DDX46: variants seen among roughly 807,000 people sequenced by gnomAD.
DDX46 encodes probable ATP-dependent RNA helicase DDX46.
In DDX46, 30 loss-of-function variants were observed where a neutral mutation model predicts 134.9. The observed-to-expected ratio is 0.22, with a 90% confidence interval of 0.17 to 0.30. The LOEUF (loss-of-function observed/expected upper bound fraction) is 0.30. Ranked by LOEUF, DDX46 falls within the 10% of genes least tolerant of loss-of-function variation. The pLI is 1.00. For missense variants in DDX46, 622 were observed against 1,248.7 expected, an observed-to-expected ratio of 0.50 and a Z score of 7.56; for synonymous variants, 415 against 404.1, an observed-to-expected ratio of 1.03 and a Z score of -0.32.
chr5:134,815,853 G>A (rs995061864), intron 18 of DDX46, among the ~76,000 whole-genome samples: 1 of 152,024 alleles, frequency 6.6e-6, no homozygotes, highest in Non-Finnish European at 1.5e-5. Context: ...AGGAATAAGG[G>A]AATAAGCCTT....
At chr5:134,770,765 TCGCAC>T in intron 3 of DDX46, 133 bp from the exon 4 acceptor site, 1 of 613,456 alleles carries the variant, frequency 1.6e-6, no homozygotes, top group Non-Finnish European at 2.6e-6. Flanking sequence ...TGAGCTGAGA[TCGCAC>T]CATTTCACTC....
intron 2 of DDX46, among the ~76,000 whole-genome samples, chr5:134,765,910 G>A (rs1753553714): frequency 6.6e-6 from 1 of 152,196 alleles, no homozygotes; most frequent in Non-Finnish European, 1.5e-5. Flanking sequence ...AAGTGAAAAT[G>A]GTTATTTAAC....
chr5:134,768,129 A>T (rs1488126876), intron 3 of DDX46, among the ~76,000 whole-genome samples: 2 of 150,376 alleles, frequency 1.3e-5, no homozygotes, highest in Non-Finnish European at 3.0e-5. Flanking sequence ...TTTTTTTAAC[A>T]GCCAAAGTCT....
intron 22 of DDX46, among the ~76,000 whole-genome samples, chr5:134,827,300 A>G (rs1468295420): frequency 6.7e-6 from 1 of 148,280 alleles, no homozygotes; most frequent in Non-Finnish European, 1.5e-5. Context: ...TTGGAGACTG[A>G]GTCTTGCATT....
chr5:134,772,949 G>C (rs1193887411), intron 4 of DDX46, among the ~76,000 whole-genome samples: 1 of 152,076 alleles, frequency 6.6e-6, no homozygotes, highest in African/African-American at 2.4e-5. Flanking sequence ...ACAGGAATGG[G>C]GAACCATGCC....
At chr5:134,768,842 C>G (rs762470247) in intron 3 of DDX46, among the ~76,000 whole-genome samples, 1 of 151,992 alleles carries the variant, frequency 6.6e-6, no homozygotes, top group African/African-American at 2.4e-5. Flanking sequence ...GGATGGATCA[C>G]GAGGTCAGGA....
At position 134,794,946 on chromosome 5, in the gene DDX46, C is replaced by G. The variant is rs1754605725; in HGVS notation, c.1723C>G (p.Leu575Val). The G allele has an allele frequency of 6.2e-7, 1 of 1,614,174 alleles. No individual in the cohort carries two copies. ...TATGGAGGCTTTGGCTCGCAGGATC[C>G]TCAGTAAACCTATTGAAGTACAAGT... ...RAMEALARRI[L>V]SKPIEVQVGG... Residue 575 changes from leucine (L) to valine (V), a missense_variant, in exon 14 of 23, where the codon CTC (leucine) becomes GTC (valine). Physicochemically the swap from Leu to Val is conservative, Grantham distance 32. This residue lies in a region of DDX46 where 209 missense variants were observed against 508.4 expected (regional missense o/e 0.41). Coordinates refer to ENST00000452510, the MANE Select transcript of DDX46 (RefSeq NM_001300860.2).
chr5:134,790,508 T>A lies in DDX46; in HGVS notation c.1582T>A (p.Leu528Ile). Residue 528 changes from leucine (L) to isoleucine (I), a missense_variant, in exon 13 of 23, where the codon TTA becomes ATA. By Grantham distance (5) the Leu-to-Ile change is conservative. Around this residue, in one of 8 missense-constraint regions of DDX46, gnomAD observed 209 missense variants for 508.4 expected, o/e 0.41. Transcript: ENST00000452510. ...TNLRRVTYVV[L>I]DEADRMFDMG... Reference sequence around the variant, plus strand: ...TCTTCGAAGAGTGACATATGTTGTTTTAGATGAAGCAGACAGAATGTTTGA... The same window carrying A: ...TCTTCGAAGAGTGACATATGTTGTTATAGATGAAGCAGACAGAATGTTTGA... 1 of 1,613,370 alleles carries A rather than the reference T, an allele frequency of 6.2e-7. No individual in the cohort carries two copies. Among genetic ancestry groups the A allele is most frequent in the Non-Finnish European group, 8.5e-7 (1 of 1,179,840 alleles).
chr5:134,776,032 T>G (rs1406900304), intron 5 of DDX46, among the ~76,000 whole-genome samples: 1 of 152,120 alleles, frequency 6.6e-6, no homozygotes, highest in African/African-American at 2.4e-5. Context: ...AACACATACT[T>G]TGTATGCTTT....
chr5:134,801,623 A>G (rs1223368708), intron 15 of DDX46, among the ~76,000 whole-genome samples: 2 of 151,710 alleles, frequency 1.3e-5, no homozygotes, highest in Non-Finnish European at 2.9e-5. Context: ...CTGATCTCAA[A>G]CTCTTGGGTT....
In DDX46 at chr5:134,818,525, A is replaced by G. The variant is rs1755347657; in HGVS notation, c.2833-335A>G. Among the ~76,000 whole-genome samples the G allele has an allele frequency of 2.0e-5, 3 of 148,436 alleles. No homozygotes were observed. In the South Asian group the frequency reaches 6.5e-4, roughly 32 times the overall value. On this transcript the variant is annotated intron_variant, in intron 20 of 22. Coordinates refer to ENST00000452510, the MANE Select transcript of DDX46 (RefSeq NM_001300860.2). ...GAGACCAGCCTGACCAACATGGTGAAACCCCGTCTCTACTAAAAATACAAA... is the reference window on the plus strand; with the variant it reads ...GAGACCAGCCTGACCAACATGGTGAGACCCCGTCTCTACTAAAAATACAAA...
intron 13 of DDX46, among the ~76,000 whole-genome samples, chr5:134,792,202 ATAG>A (rs1309690407): frequency 1.3e-5 from 2 of 151,920 alleles, no homozygotes; most frequent in Non-Finnish European, 2.9e-5. Flanking sequence ...AATAATAATA[ATAG>A]TAATAATAAT....
chr5:134,778,228 C>T (rs528358075), intron 6 of DDX46, among the ~76,000 whole-genome samples: 102 of 151,966 alleles, frequency 6.7e-4, no homozygotes, highest in African/African-American at 2.2e-3. Flanking sequence ...ATGTTGCTCA[C>T]GCTGGTCTCG....
At position 134,825,322 on chromosome 5, in the gene DDX46, C is replaced by T. The variant is rs979250679; in HGVS notation, c.2978-1625C>T. ...TCCCTTCCAGCACTCACCTTCCCCA[C>T]GTAGTTTTATAGTGTTGTGATTGGT... is the stretch of plus-strand genomic sequence containing the variant. On this transcript the variant is annotated intron_variant, in intron 21 of 22. Transcript: ENST00000452510. 7.2e-5 allele frequency among the ~76,000 whole-genome samples: 11 copies of T among 152,244 alleles called. No individual in the cohort carries two copies. The East Asian group carries it at 1.5e-3, about 21-fold the overall frequency.
intron 1 of DDX46, among the ~76,000 whole-genome samples, chr5:134,763,581 A>G (rs2150128174): frequency 6.6e-6 from 1 of 152,282 alleles, no homozygotes; most frequent in South Asian, 2.1e-4. Context: ...TTGTATATAA[A>G]CATACTATAT....
In DDX46 at chr5:134,773,319, G is replaced by T. The variant is rs183448449; in HGVS notation, c.448-377G>T. The stretch of plus-strand genomic sequence containing the variant: ...TTTTCATAGAGGCAATTTTGGAGGC[G>T]TTTAGGGGATTAAAATTGAGAATAA... On this transcript the variant is annotated intron_variant, in intron 4 of 22. Transcript: ENST00000452510. 1.5e-3 allele frequency among the ~76,000 whole-genome samples: 235 copies of T among 152,278 alleles called. 1 individual carries two copies. Among genetic ancestry groups the T allele is most frequent in the African/African-American group, 5.1e-3 (212 of 41,554 alleles).
chr5:134,797,412 A>G (rs1042302104), intron 15 of DDX46, among the ~76,000 whole-genome samples: 3 of 152,154 alleles, frequency 2.0e-5, no homozygotes, highest in African/African-American at 4.8e-5. Flanking sequence ...ATCACCTACC[A>G]ATCTACCTCA....
At chr5:134,800,823 G>T (rs900468009) in intron 15 of DDX46, among the ~76,000 whole-genome samples, 1 of 152,114 alleles carries the variant, frequency 6.6e-6, no homozygotes, top group Non-Finnish European at 1.5e-5. Context: ...TTACCGGCAT[G>T]TGCCACCTCG....
In DDX46 at chr5:134,766,903, T is replaced by C; in HGVS notation, c.207-14T>C. On this transcript the variant is annotated splice_polypyrimidine_tract_variant and intron_variant, in intron 2 of 22. Transcript: ENST00000452510. ...ATTTGGTCATAGAATAAATGAAAAG[T>C]GTCCCCCTTTCAGACGTTCCAGAAG... The C allele has an allele frequency of 1.2e-6, 2 of 1,604,848 alleles. No individual in the cohort carries two copies.
Sources: allele counts gnomAD v4.1 joint callset (sites outside exome capture counted in the v4.1 genomes callset), GRCh38; gene constraint gnomAD v4.1.1; regional missense constraint gnomAD v4.1.1; transcripts MANE v1.5; gene names NCBI Gene and HGNC (gene_info 2026-07-23, HGNC 2026-07-21).